DCC: variants seen among roughly 807,000 people sequenced by gnomAD.
The protein encoded by DCC is netrin receptor DCC.
DCC carries 58 observed loss-of-function variants against 172.5 expected under a neutral mutation model. That is an observed-to-expected ratio of 0.34 (90% confidence interval 0.27 to 0.42). The LOEUF is 0.42. DCC is among the 10% of genes least tolerant of loss of function. DCC has a pLI of 1.00. For synonymous variants in DCC, 709 were observed against 644.5 expected, an observed-to-expected ratio of 1.10 and a Z score of -1.52; for missense variants, 1,740 against 1,791.0, an observed-to-expected ratio of 0.97 and a Z score of 0.51.
In DCC at chr18:53,522,712, T is replaced by C. The variant is rs188105439; in HGVS notation, c.4112-3905T>C. Among the ~76,000 whole-genome samples the C allele has an allele frequency of 1.4e-4, 21 of 152,272 alleles. No individual in the cohort carries two copies. In the East Asian group the frequency reaches 4.1e-3, roughly 29 times the overall value. ...TGGTGTTGGGAAAACTGGCTAGCCA[T>C]ATGCAGAAAACTGAAACCTGACCCC... is the stretch of plus-strand genomic sequence containing the variant. On this transcript the variant is annotated intron_variant, in intron 27 of 28. Transcript: ENST00000442544.
intron 1 of DCC, among the ~76,000 whole-genome samples, chr18:52,640,155 C>T (rs546605980): frequency 2.6e-5 from 4 of 152,194 alleles, no homozygotes; most frequent in South Asian, 4.2e-4. Context: ...TGACAAAATC[C>T]AGCATTGCCT....
chr18:52,965,580 G>GT (rs1231311321), intron 5 of DCC, among the ~76,000 whole-genome samples: 12 of 152,000 alleles, frequency 7.9e-5, no homozygotes, highest in African/African-American at 2.9e-4. Flanking sequence ...AATAATTTTT[G>GT]TGTTTTTTTC....
At chr18:53,407,528 GATATATATATATATAT>G (rs74180422) in intron 19 of DCC, among the ~76,000 whole-genome samples, 2 of 117,438 alleles carry the variant, frequency 1.7e-5, no homozygotes, top group Non-Finnish European at 3.5e-5. Context: ...TTTTATTCTG[GATATATATATATATAT>G]ATATATATAT....
chr18:52,610,342 T>C (rs1377505786), intron 1 of DCC, among the ~76,000 whole-genome samples: 2 of 109,724 alleles, frequency 1.8e-5, no homozygotes, highest in Non-Finnish European at 3.4e-5. Context: ...ATGACACCAT[T>C]GCACTCCAGA....
chr18:53,236,043 C>T (rs757610828), intron 12 of DCC, among the ~76,000 whole-genome samples: 3 of 152,076 alleles, frequency 2.0e-5, no homozygotes, highest in Non-Finnish European at 4.4e-5. Flanking sequence ...GATAAAACTG[C>T]TGCCACACTG....
In DCC at chr18:52,686,012, G is replaced by A. The variant is rs145767862; in HGVS notation, c.92-66042G>A. On this transcript the variant is annotated intron_variant, in intron 1 of 28. Transcript: ENST00000442544. ...ATATTGAAGACAATTCTGCTTCAAT[G>A]TAAAGGGGTACAGGACAGTCTACTG... is the stretch of plus-strand genomic sequence containing the variant. 5.4e-3 allele frequency among the ~76,000 whole-genome samples: 819 copies of A among 152,212 alleles called. 5 individuals are homozygous for A. The highest frequency in any genetic ancestry group is 0.02 in the Middle Eastern group (6 of 294).
chr18:53,473,666 C>T (rs2145194761), intron 25 of DCC, among the ~76,000 whole-genome samples: 1 of 152,326 alleles, frequency 6.6e-6, no homozygotes, highest in African/African-American at 2.4e-5. Context: ...TGATTTTACA[C>T]ATGGGAAACA....
At chr18:52,825,181 G>T (rs1017743963) in intron 2 of DCC, among the ~76,000 whole-genome samples, 2 of 152,102 alleles carry the variant, frequency 1.3e-5, no homozygotes, top group African/African-American at 4.8e-5. Context: ...ATATGACAAA[G>T]AGAATGGATG....
chr18:53,276,528 C>T (rs142756094), intron 12 of DCC, among the ~76,000 whole-genome samples: 310 of 152,234 alleles, frequency 2.0e-3, no homozygotes, highest in African/African-American at 7.1e-3. Context: ...ACTGACCTTT[C>T]CAGGTAGGGC....
chr18:52,900,944 G>T (rs1245954792), intron 2 of DCC, among the ~76,000 whole-genome samples: 1 of 152,170 alleles, frequency 6.6e-6, no homozygotes, highest in Non-Finnish European at 1.5e-5. Flanking sequence ...GCTGAAATTT[G>T]TCTATAGGAA....
chr18:53,143,088 C>T (rs1447548250), intron 7 of DCC, among the ~76,000 whole-genome samples: 1 of 152,144 alleles, frequency 6.6e-6, no homozygotes, highest in African/African-American at 2.4e-5. Context: ...AGGATAATAA[C>T]TTTTACCACT....
intron 1 of DCC, among the ~76,000 whole-genome samples, chr18:52,696,747 AT>A (rs1250361998): frequency 6.6e-6 from 1 of 152,162 alleles, no homozygotes; most frequent in East Asian, 1.9e-4. Context: ...CAAAAGTAGT[AT>A]TTTGGGAGAT....
intron 11 of DCC, 119 bp downstream of exon 11, chr18:53,207,936 G>T: frequency 1.1e-6 from 1 of 879,990 alleles, no homozygotes; most frequent in Non-Finnish European, 1.9e-6. Context: ...AAATTTTATG[G>T]ACTATTACAG....
intron 15 of DCC, among the ~76,000 whole-genome samples, chr18:53,385,559 G>A (rs964054818): frequency 2.0e-5 from 3 of 152,186 alleles, no homozygotes; most frequent in Non-Finnish European, 4.4e-5. Context: ...TGCTAGAGAG[G>A]AGACTTTGCA....
At chr18:52,424,934 C>A (rs956783972) in intron 1 of DCC, among the ~76,000 whole-genome samples, 3 of 149,640 alleles carry the variant, frequency 2.0e-5, no homozygotes, top group Admixed American at 2.0e-4. Context: ...TTTTTATTTT[C>A]TTTTTATTTG....
intron 19 of DCC, among the ~76,000 whole-genome samples, chr18:53,404,902 G>A (rs7241682): frequency 0.79 from 119,774 of 151,988 alleles, 47,818 homozygotes; most frequent in Non-Finnish European, 0.86. Context: ...TTCTCTCACA[G>A]TGGAAAAATA....
chr18:52,822,730 A>G (rs1267967098), intron 2 of DCC, among the ~76,000 whole-genome samples: 1 of 152,172 alleles, frequency 6.6e-6, no homozygotes, highest in African/African-American at 2.4e-5. Flanking sequence ...TTTAGTATTA[A>G]GGTTGTGAAA....
chr18:52,540,226 A>T (rs2032399915), intron 1 of DCC, among the ~76,000 whole-genome samples: 1 of 152,198 alleles, frequency 6.6e-6, no homozygotes, highest in South Asian at 2.1e-4. Flanking sequence ...GCTTAAGGCC[A>T]GGAGTTAGAA....
intron 1 of DCC, among the ~76,000 whole-genome samples, chr18:52,749,860 G>A (rs2036968353): frequency 1.3e-5 from 2 of 152,180 alleles, no homozygotes; most frequent in Non-Finnish European, 2.9e-5. Context: ...TTCTAATATA[G>A]TTGCCTGCTC....
Sources: allele counts gnomAD v4.1 joint callset (sites outside exome capture counted in the v4.1 genomes callset), GRCh38; gene constraint gnomAD v4.1.1; transcripts MANE v1.5; gene names NCBI Gene and HGNC (gene_info 2026-07-23, HGNC 2026-07-21).